The following ADGRB3 variants were observed in gnomAD, a reference collection of about 807,000 sequenced individuals.
ADGRB3 encodes the protein brain-specific angiogenesis inhibitor 3.
ADGRB3 carries 37 observed loss-of-function variants against 193.4 expected under a neutral mutation model. The observed-to-expected ratio is 0.19, with a 90% CI of 0.15 to 0.25. The LOEUF (loss-of-function observed/expected upper bound fraction) is 0.25, where lower values mean the gene tolerates loss of function less well. ADGRB3 is among the 10% of genes least tolerant of loss of function. The pLI, the probability that ADGRB3 is intolerant of heterozygous loss-of-function variation, is 1.00. For missense variants in ADGRB3, 1,637 were observed against 1,852.9 expected, an observed-to-expected ratio of 0.88 and a Z score of 2.14; for synonymous variants, 690 against 644.2, an observed-to-expected ratio of 1.07 and a Z score of -1.08.
intron 3 of ADGRB3, among the ~76,000 whole-genome samples, chr6:68,647,776 G>T (rs9360356): frequency 0.16 from 23,607 of 152,068 alleles, 2,491 homozygotes; most frequent in East Asian, 0.61. Flanking sequence ...GCAAAATGAG[G>T]TTTATGTTTT....
intron 11 of ADGRB3, among the ~76,000 whole-genome samples, chr6:69,007,116 A>G (rs1411018788): frequency 1.3e-5 from 2 of 152,106 alleles, no homozygotes; most frequent in African/African-American, 4.8e-5. Context: ...ATGTGGTAGC[A>G]TGGCTAACTC....
At chr6:68,955,371 A>G (rs1413212825) in intron 6 of ADGRB3, among the ~76,000 whole-genome samples, 1 of 152,232 alleles carries the variant, frequency 6.6e-6, no homozygotes, top group Non-Finnish European at 1.5e-5. Flanking sequence ...TCTCTAAAAT[A>G]TGAGCTCGAT....
intron 16 of ADGRB3, among the ~76,000 whole-genome samples, chr6:69,069,551 T>TAAAAA (rs1772011384): frequency 5.8e-3 from 6 of 1,030 alleles, no homozygotes; most frequent in Admixed American, 0.015. Flanking sequence ...CTACTAAAAA[T>TAAAAA]ACAAAAAAAA....
intron 3 of ADGRB3, among the ~76,000 whole-genome samples, chr6:68,680,281 GA>G (rs201739281): frequency 1.4e-5 from 2 of 144,612 alleles, no homozygotes; most frequent in South Asian, 2.2e-4. Flanking sequence ...CAACTAGAAG[GA>G]AAAAAAAACC....
At chr6:69,009,297 G>A (rs1769863165) in intron 11 of ADGRB3, among the ~76,000 whole-genome samples, 1 of 152,066 alleles carries the variant, frequency 6.6e-6, no homozygotes, top group South Asian at 2.1e-4. Flanking sequence ...ATATCAGACT[G>A]TATAACTGGG....
In ADGRB3 at chr6:69,238,065, G is replaced by T. The variant is rs375309100; in HGVS notation, c.2712-1059G>T. 2.9e-4 allele frequency among the ~76,000 whole-genome samples: 44 copies of T among 152,104 alleles called. 1 individual carries two copies. The highest frequency in any genetic ancestry group is 1.0e-3 in the African/African-American group (42 of 41,546). On this transcript the variant is annotated intron_variant, in intron 19 of 31. Transcript: ENST00000370598. ...TTGGAAATGTGTGATAAAACGTGGG[G>T]GTTCTACCTTGATTGTCCTCAAAGA... is the stretch of plus-strand genomic sequence containing the variant.
chr6:69,210,149 C>CATATATATATATATATATATATATAT (rs58586306), intron 17 of ADGRB3, among the ~76,000 whole-genome samples: 1,866 of 78,016 alleles, frequency 0.024, 182 homozygotes, highest in African/African-American at 0.032. Flanking sequence ...TAATATATAT[C>CATATATATATATATATATATATATAT]ATATATATAT....
chr6:69,045,503 AT>A (rs1282124526), intron 13 of ADGRB3, among the ~76,000 whole-genome samples: 1 of 152,118 alleles, frequency 6.6e-6, no homozygotes, highest in African/African-American at 2.4e-5. Context: ...AAGAGAGTAG[AT>A]TTTAAGTGTT....
intron 17 of ADGRB3, among the ~76,000 whole-genome samples, chr6:69,090,996 A>G (rs1772688887): frequency 6.6e-6 from 1 of 152,220 alleles, no homozygotes; most frequent in African/African-American, 2.4e-5. Context: ...ATGAACAGAC[A>G]CTTCTAAAAA....
intron 3 of ADGRB3, among the ~76,000 whole-genome samples, chr6:68,678,925 A>T (rs1764827298): frequency 6.6e-6 from 1 of 152,198 alleles, no homozygotes; most frequent in South Asian, 2.1e-4. Context: ...TATTACTTCA[A>T]GTTGTCCAAT....
chr6:68,864,167 G>C (rs747824634), intron 3 of ADGRB3, among the ~76,000 whole-genome samples: 1 of 152,138 alleles, frequency 6.6e-6, no homozygotes, highest in African/African-American at 2.4e-5. Flanking sequence ...AGTTCACCAA[G>C]TTTAGTGCAT....
At position 69,077,588 on chromosome 6, in the gene ADGRB3, A is replaced by G. The variant is rs540561560; in HGVS notation, c.2480+1550A>G. 2.6e-5 allele frequency among the ~76,000 whole-genome samples: 4 copies of G among 152,102 alleles called. No individual in the cohort carries two copies. The South Asian group carries it at 6.2e-4, about 24-fold the overall frequency. The stretch of plus-strand genomic sequence containing the variant: ...CCTTATTTTGTGCCTCCTGTTGGCT[A>G]CTTTTCATAGACAGTATAAGGTGTT... On this transcript the variant is annotated intron_variant, in intron 17 of 31. Transcript: ENST00000370598.
In ADGRB3 at chr6:68,956,617, G is replaced by C. The variant is rs775536312; in HGVS notation, c.1361-28G>C. ...TTAAAGGAGTGTGTGGTAGATGACT[G>C]ACATTGACCATGAAACATTTCTTTC... On this transcript the variant is annotated intron_variant, in intron 7 of 31. Coordinates refer to ENST00000370598, the MANE Select transcript of ADGRB3 (RefSeq NM_001704.3). 33 of 1,612,652 alleles carry C rather than the reference G, an allele frequency of 2.0e-5. 1 individual carries two copies.
intron 17 of ADGRB3, among the ~76,000 whole-genome samples, chr6:69,181,373 A>G (rs1775579437): frequency 6.6e-6 from 1 of 152,176 alleles, no homozygotes. Context: ...TTTTTAAAAA[A>G]ATACATTATT....
chr6:69,056,719 G>A (rs561569737), intron 15 of ADGRB3, among the ~76,000 whole-genome samples: 1 of 152,114 alleles, frequency 6.6e-6, no homozygotes, highest in East Asian at 1.9e-4. Flanking sequence ...TCATTGTGTA[G>A]CCTTAGCACC....
chr6:69,326,330 G>A (rs528517759), intron 21 of ADGRB3, among the ~76,000 whole-genome samples: 2 of 152,252 alleles, frequency 1.3e-5, no homozygotes, highest in East Asian at 3.9e-4. Flanking sequence ...TTCTAAAGTT[G>A]AGATAGTATT....
At chr6:69,364,110 A>G (rs780788753) in intron 29 of ADGRB3, among the ~76,000 whole-genome samples, 4 of 152,048 alleles carry the variant, frequency 2.6e-5, no homozygotes, top group Non-Finnish European at 5.9e-5. Context: ...GGCAGCTGGC[A>G]CAGCAGAGGA....
At chr6:68,862,719 A>G (rs1479878460) in intron 3 of ADGRB3, among the ~76,000 whole-genome samples, 3 of 152,232 alleles carry the variant, frequency 2.0e-5, no homozygotes, top group Non-Finnish European at 1.5e-5. Context: ...TGTTCATAAA[A>G]CAATGATCCC....
chr6:68,779,795 A>G lies in ADGRB3; in HGVS notation c.757+140363A>G, dbSNP rs575396498. Among the ~76,000 whole-genome samples the G allele has an allele frequency of 3.9e-5, 6 of 152,210 alleles. No homozygotes were observed. The South Asian group carries it at 6.2e-4, about 16-fold the overall frequency. On this transcript the variant is annotated intron_variant, in intron 3 of 31. Coordinates refer to ENST00000370598, the MANE Select transcript of ADGRB3 (RefSeq NM_001704.3). ...TGCTCCTGACAATGTTTTACATACA[A>G]TGGAGGAAATGAGAGAGAAAGAGAG...
Sources: allele counts gnomAD v4.1 joint callset (sites outside exome capture counted in the v4.1 genomes callset), GRCh38; gene constraint gnomAD v4.1.1; transcripts MANE v1.5; gene names NCBI Gene and HGNC (gene_info 2026-07-23, HGNC 2026-07-21).